SUN3: variants seen among roughly 807,000 people sequenced by gnomAD.
SUN3 encodes SUN domain-containing protein 3.
A neutral mutation model predicts 48.2 loss-of-function variants in SUN3; 36 were observed. That is an observed-to-expected ratio of 0.75 (90% CI 0.57 to 0.99). The LOEUF is 0.99. SUN3 is among the 50% of genes least tolerant of loss of function. The pLI, the probability that SUN3 is intolerant of heterozygous loss-of-function variation, is 0.00. For synonymous variants in SUN3, 148 were observed against 147.9 expected (o/e 1.00, Z 0.00); for missense variants, 419 against 433.1 (o/e 0.97, Z 0.29).
In SUN3 at chr7:48,025,930, C is replaced by T. The variant is rs371894282; in HGVS notation, c.131G>A (p.Arg44Gln). 136 of 1,596,336 alleles carry T rather than the reference C, an allele frequency of 8.5e-5. No individual in the cohort carries two copies. Among genetic ancestry groups the T allele is most frequent in the Non-Finnish European group, 1.1e-4 (124 of 1,167,904 alleles). Residue 44 changes from arginine (R) to glutamine (Q), a missense_variant, in exon 2 of 10, where the codon CGA (arginine) becomes CAA (glutamine). Coordinates refer to ENST00000297325, the MANE Select transcript of SUN3 (RefSeq NM_001030019.2). ...TGTACTTAGAATAATCTTCCATGAT[C>T]GAGTTACCCTAAAAGAATAAAAACA... ...DENPDANGVT[R>Q]SWKIILSTML...
chr7:47,995,936 T>C (rs1213201976), intron 7 of SUN3, 95 bp downstream of exon 7: 5 of 580,264 alleles, frequency 8.6e-6, no homozygotes, highest in Non-Finnish European at 1.3e-5. Context: ...TCAGACACTC[T>C]TATATTGCCT....
In SUN3 at chr7:48,026,207, G is replaced by C. The variant is rs112701934; in HGVS notation, c.123-269C>G. On this transcript the variant is annotated intron_variant, in intron 1 of 9. Coordinates refer to ENST00000297325, the MANE Select transcript of SUN3 (RefSeq NM_001030019.2). ...TTTCACATATGCAATGCTTATGCTA[G>C]TATATGTCTATTTATATTCTTAAAA... Among the ~76,000 whole-genome samples the C allele has an allele frequency of 3.0e-3, 449 of 152,046 alleles. 7 individuals are homozygous for C. The highest frequency in any genetic ancestry group is 0.01 in the African/African-American group (419 of 41,446).
chr7:48,006,090 C>T, intron 5 of SUN3, 37 bp from the exon 6 acceptor site: 1 of 1,391,732 alleles, frequency 7.2e-7, no homozygotes, highest in Non-Finnish European at 1.0e-6. Flanking sequence ...TGTTAACAAT[C>T]TTTGCCAACT....
intron 2 of SUN3, among the ~76,000 whole-genome samples, chr7:48,021,451 T>G (rs1429161610): frequency 6.7e-6 from 1 of 149,780 alleles, no homozygotes; most frequent in Non-Finnish European, 1.5e-5. Flanking sequence ...AAGGATACAA[T>G]CAACAAAGTG....
chr7:48,001,845 T>G lies in SUN3; in HGVS notation c.577+4124A>C, dbSNP rs576967872. On this transcript the variant is annotated intron_variant, in intron 6 of 9. Coordinates refer to ENST00000297325, the MANE Select transcript of SUN3 (RefSeq NM_001030019.2). Reference sequence around the variant, plus strand: ...GCCACCGTGCCTGGCCAGTTCCATGTCTTTTCTATTGTGAATAGTGCTGCA... The same window carrying G: ...GCCACCGTGCCTGGCCAGTTCCATGGCTTTTCTATTGTGAATAGTGCTGCA... 1.1e-4 allele frequency among the ~76,000 whole-genome samples: 16 copies of G among 152,234 alleles called. No homozygotes were observed. The South Asian group carries it at 3.3e-3, about 32-fold the overall frequency.
At chr7:48,033,750 T>TA (rs953375192), upstream of SUN3, among the ~76,000 whole-genome samples, 8 of 148,564 alleles carry the variant, frequency 5.4e-5, no homozygotes, top group African/African-American at 1.2e-4. Context: ...TATGATCAAT[T>TA]AAAAAAAAAA....
intron 6 of SUN3, among the ~76,000 whole-genome samples, chr7:48,003,151 C>A (rs913979141): frequency 6.6e-6 from 1 of 151,972 alleles, no homozygotes; most frequent in African/African-American, 2.4e-5. Context: ...GCCAGTTATT[C>A]CAGCACCATT....
At chr7:48,035,739 G>C in the SUN3 span, 4 of 583,900 alleles carry the variant, frequency 6.9e-6, no homozygotes, top group Admixed American at 3.1e-5. The surrounding 1 kb of genome is among the most constrained non-coding windows in gnomAD (Gnocchi z 4.0). Context: ...CTGGAGGGAG[G>C]GGACCACCTT....
chr7:48,031,965 G>A (rs528943065), upstream of SUN3, among the ~76,000 whole-genome samples: 1 of 152,320 alleles, frequency 6.6e-6, no homozygotes, highest in South Asian at 2.1e-4. Context: ...CCACATGAAT[G>A]AGCCTGGAGA....
At position 47,988,819 on chromosome 7, in the gene SUN3, G is replaced by A; in HGVS notation, c.923C>T (p.Thr308Ile). The A allele has an allele frequency of 6.2e-7, 1 of 1,606,290 alleles. No homozygotes were observed. Among genetic ancestry groups the A allele is most frequent in the Admixed American group, 1.7e-5 (1 of 59,130 alleles). The change falls in exon 9 of 10, where the codon ACA (threonine) becomes ATA (isoleucine). Residue 308 changes from threonine (T) to isoleucine (I), a missense_variant. Transcript: ENST00000297325. ...TTCAAATGTTTGAACGGTGGTTCCT[G>A]TTTTGTTATATATAAACTGACCTAG... The part of the protein sequence containing the change: ...IFLGQFIYNK[T>I]GTTVQTFELQ...
chr7:47,996,366 A>C (rs1789212449), intron 6 of SUN3, among the ~76,000 whole-genome samples: 1 of 151,928 alleles, frequency 6.6e-6, no homozygotes, highest in African/African-American at 2.4e-5. Flanking sequence ...AGTTTCACAA[A>C]ATGTATGATT....
upstream of SUN3, among the ~76,000 whole-genome samples, chr7:48,032,441 G>A (rs560316951): frequency 7.9e-5 from 12 of 152,248 alleles, 1 homozygote; most frequent in East Asian, 1.9e-3. Flanking sequence ...AATCCAAAAT[G>A]TGTCTTTAAA....
At chr7:47,991,118 T>C in intron 8 of SUN3, 1 of 446,158 alleles carries the variant, frequency 2.2e-6, no homozygotes, top group Non-Finnish European at 4.5e-6. Flanking sequence ...GGTCTGGCCA[T>C]GCTGCCCAGG....
intron 8 of SUN3, among the ~76,000 whole-genome samples, chr7:47,990,570 C>A (rs1789029077): frequency 6.6e-6 from 1 of 151,842 alleles, no homozygotes; most frequent in Non-Finnish European, 1.5e-5. Flanking sequence ...TTGTCTCTTT[C>A]TTTTCTCAAG....
intron 6 of SUN3, chr7:48,000,058 A>G (rs1462976270): frequency 2.0e-5 from 3 of 152,240 alleles, no homozygotes; most frequent in Non-Finnish European, 2.9e-5. Context: ...CTCCACGCCC[A>G]GACAATGCCA....
intron 2 of SUN3, among the ~76,000 whole-genome samples, chr7:48,021,623 C>T (rs11982783): frequency 0.091 from 13,549 of 148,090 alleles, 2,019 homozygotes; most frequent in African/African-American, 0.31. Flanking sequence ...TTCAAATAAA[C>T]ATCTCTCAAA....
rs1162341434 is a variant in SUN3 at position 48,025,864 on chromosome 7, T to C, written c.184+13A>G. ...TGGAATGGTTTTAAGGATCATTACT[T>C]AGGAAGACTTACCTACAAGAAGAAA... On this transcript the variant is annotated intron_variant, in intron 2 of 9. Coordinates refer to ENST00000297325, the MANE Select transcript of SUN3 (RefSeq NM_001030019.2). The C allele has an allele frequency of 2.1e-5, 33 of 1,568,752 alleles. No individual in the cohort carries two copies. The highest frequency in any genetic ancestry group is 2.8e-5 in the Non-Finnish European group (32 of 1,142,186).
At chr7:48,008,216 G>T in intron 4 of SUN3, among the ~76,000 whole-genome samples, 1 of 152,150 alleles carries the variant, frequency 6.6e-6, no homozygotes, top group Non-Finnish European at 1.5e-5. Context: ...TGCTGAAAAA[G>T]TATAAGCACT....
At chr7:48,013,809 A>T (rs1297560432) in intron 3 of SUN3, among the ~76,000 whole-genome samples, 1 of 152,072 alleles carries the variant, frequency 6.6e-6, no homozygotes, top group Non-Finnish European at 1.5e-5. Flanking sequence ...GGGATTTATA[A>T]AGAACTCACG....
Sources: allele counts gnomAD v4.1 joint callset (sites outside exome capture counted in the v4.1 genomes callset), GRCh38; gene constraint gnomAD v4.1.1; non-coding constraint Gnocchi (gnomAD v3.1); transcripts MANE v1.5; gene names NCBI Gene and HGNC (gene_info 2026-07-23, HGNC 2026-07-21).